HOXB3: variants seen among roughly 807,000 people sequenced by gnomAD.
The protein encoded by HOXB3 is homeobox B3, also known as homeobox protein Hox-B3.
HOXB3 carries 17 observed loss-of-function variants against 29.2 expected under a neutral mutation model. The observed-to-expected ratio is 0.58, with a 90% CI of 0.40 to 0.87. The LOEUF (loss-of-function observed/expected upper bound fraction) is 0.87. Among genes scored for constraint, HOXB3 ranks in the 40% least tolerant of loss-of-function variants. HOXB3 has a pLI of 0.00. For synonymous variants in HOXB3, 317 were observed against 285.9 expected (o/e 1.11, Z -1.10); for missense variants, 637 against 616.3 (o/e 1.03, Z -0.35).
chr17:48,579,878 C>T (rs768238280), intron 1 of HOXB3: 1 of 520,764 alleles, frequency 1.9e-6, no homozygotes, highest in South Asian at 1.5e-5. Flanking sequence ...CCCCTAGATA[C>T]GAATTTGTGA....
At position 48,551,075 on chromosome 17, in the gene HOXB3, C is replaced by A; in HGVS notation, c.555G>T (p.Ser185=). 6.5e-7 allele frequency: 1 copy of A among 1,534,292 alleles called. No individual in the cohort carries two copies. The highest frequency in any genetic ancestry group is 8.8e-7 in the Non-Finnish European group (1 of 1,135,972). The change falls in exon 5 of 5, where the codon TCG becomes TCT. Residue 185 remains serine (S), a synonymous_variant. Coordinates refer to ENST00000498678, the MANE Select transcript of HOXB3 (RefSeq NM_001384749.1). ...CCGTCCGCGCCCGCTTGGACGCCGC[C>A]GACCCCGGGGGGCTCTTGTCCCCTC... ...GGGGDKSPPG[S]AASKRARTAY...
At chr17:48,565,970 A>G (rs183334602) in intron 2 of HOXB3, among the ~76,000 whole-genome samples, 454 of 152,190 alleles carry the variant, frequency 3.0e-3, no homozygotes, top group Non-Finnish European at 5.2e-3. Context: ...TTTCTATCCA[A>G]TTCCTCTGGT....
At chr17:48,563,943 T>C (rs2069290322) in intron 2 of HOXB3, among the ~76,000 whole-genome samples, 1 of 144,062 alleles carries the variant, frequency 6.9e-6, no homozygotes, top group Non-Finnish European at 1.5e-5. Flanking sequence ...CTCAACGCCC[T>C]TTCTGAGCGG....
intron 1 of HOXB3, chr17:48,578,228 C>T (rs763519352): frequency 1.2e-6 from 2 of 1,614,034 alleles, no homozygotes; most frequent in Non-Finnish European, 1.7e-6. Flanking sequence ...CGAGTGGTCG[C>T]TGGGTAGGTA....
rs1317169906 is a variant in HOXB3, at chr17:48,551,135, A to G, written c.495T>C (p.Ser165=). ...GGGGGGGGGG[S]GGSGGGGGGG... is the part of the protein sequence containing the mutation. ...CGCCGCCACCGCCCCCGCTGCCACC[A>G]CTGCCTCCGCCGCCGCCGCCACCGC... Residue 165 remains serine, a synonymous_variant, in exon 5 of 5, where the codon AGT becomes AGC. Transcript: ENST00000498678. The G allele has an allele frequency of 1.5e-6, 2 of 1,313,886 alleles. No homozygotes were observed. Among genetic ancestry groups the G allele is most frequent in the Non-Finnish European group, 1.9e-6 (2 of 1,033,252 alleles). 81.4% of individuals were successfully genotyped at this position (1,313,886 alleles called of 1,614,324 possible).
chr17:48,586,662 G>GT (rs574411684), intron 1 of HOXB3, among the ~76,000 whole-genome samples: 2 of 152,138 alleles, frequency 1.3e-5, no homozygotes, highest in African/African-American at 2.4e-5. Flanking sequence ...TTTGGTGTGG[G>GT]TTTTTTCCCC....
At chr17:48,585,215 G>C (rs913365803) in intron 1 of HOXB3, among the ~76,000 whole-genome samples, 1 of 152,082 alleles carries the variant, frequency 6.6e-6, no homozygotes, top group African/African-American at 2.4e-5. Flanking sequence ...CATTTTCAGC[G>C]GTCTCTTCTA....
At chr17:48,558,007 C>G (rs1166762468) in intron 2 of HOXB3, among the ~76,000 whole-genome samples, 1 of 151,928 alleles carries the variant, frequency 6.6e-6, no homozygotes, top group Non-Finnish European at 1.5e-5. Flanking sequence ...CTTAAAGAAA[C>G]CAGTACCTTT....
At position 48,550,456 on chromosome 17, in the gene HOXB3, T is replaced by A. The variant is rs1285054026; in HGVS notation, c.1174A>T (p.Met392Leu). 1.2e-6 allele frequency: 2 copies of A among 1,612,914 alleles called. No homozygotes were observed. ...GNLDYNGAPP[M>L]APSQHHGPCE... ...GGTCCGTGGTGCTGGCTGGGCGCCATAGGGGGCGCCCCGTTGTAGTCCAGG... is the reference window on the plus strand; with the variant it reads ...GGTCCGTGGTGCTGGCTGGGCGCCAAAGGGGGCGCCCCGTTGTAGTCCAGG... Residue 392 changes from methionine to leucine, a missense_variant, in exon 5 of 5, where the codon ATG (methionine) becomes TTG (leucine). Transcript: ENST00000498678.
chr17:48,575,843 T>C (rs2069739719), intron 1 of HOXB3: 1 of 152,626 alleles, frequency 6.6e-6, no homozygotes, highest in African/African-American at 2.4e-5. Context: ...AACTCTGGAC[T>C]GGCAGAGTAG....
chr17:48,574,061 A>T, intron 1 of HOXB3, 47 bp from the exon 2 acceptor site: 1 of 585,374 alleles, frequency 1.7e-6, no homozygotes, highest in Non-Finnish European at 3.0e-6. Context: ...TAAAGAAAAG[A>T]AGTGATTAAT....
rs754130421 is a variant in HOXB3, at chr17:48,551,108, G to A, written c.522C>T (p.Gly174=). 22 of 1,367,996 alleles carry A rather than the reference G, an allele frequency of 1.6e-5. No individual in the cohort carries two copies. Among genetic ancestry groups the A allele is most frequent in the Admixed American group, 3.0e-5 (1 of 33,816 alleles). 84.7% of individuals were successfully genotyped at this position (1,367,996 alleles called of 1,614,324 possible). The change falls in exon 5 of 5, where the codon GGC becomes GGT. Residue 174 remains glycine (G), a synonymous_variant. Transcript: ENST00000498678. ...GGGGGCTCTTGTCCCCTCCCCCGCC[G>A]CCGCCGCCACCGCCCCCGCTGCCAC... ...GSGGSGGGGG[G]GGGGDKSPPG... is the part of the protein sequence containing the mutation.
Position 48,551,039 on chromosome 17 carries a change from GCT to G in HOXB3, c.589_590del (p.Ser197ArgfsTer13). 6.2e-7 allele frequency: 1 copy of G among 1,607,714 alleles called. No homozygotes were observed. The highest frequency in any genetic ancestry group is 8.5e-7 in the Non-Finnish European group (1 of 1,175,830). On this transcript the variant is annotated frameshift_variant, in exon 5 of 5. Coordinates refer to ENST00000498678, the MANE Select transcript of HOXB3 (RefSeq NM_001384749.1). LOFTEE classifies it high-confidence loss of function. ...ASKRARTAYT[S>X]AQLVELEKEF... ...CCTTCTCCAGCTCCACCAGCTGCGC[GCT>G]CGTGTACGCCGTCCGCGCCCGCTTG...
intron 1 of HOXB3, among the ~76,000 whole-genome samples, chr17:48,584,653 G>A (rs1045043631): frequency 6.6e-6 from 1 of 152,150 alleles, no homozygotes; most frequent in Non-Finnish European, 1.5e-5. Flanking sequence ...TTAATATGGT[G>A]ACTCAAAGAT....
chr17:48,573,894 G>C lies in HOXB3; in HGVS notation c.-304C>G, dbSNP rs942664639. 2 of 701,808 alleles carry C rather than the reference G, an allele frequency of 2.8e-6. No homozygotes were observed. Among genetic ancestry groups the C allele is most frequent in the Non-Finnish European group, 5.2e-6 (2 of 384,710 alleles). The allele number at this position is 701,808 out of a possible 1,614,324, so 43.5% of individuals were successfully genotyped here. Reference sequence around the variant, plus strand: ...CTGCAGATCCCATTCATGACGAAGGGCTTCTTCCAAACTGAGAGAAAAAAG... The same window carrying C: ...CTGCAGATCCCATTCATGACGAAGGCCTTCTTCCAAACTGAGAGAAAAAAG... On this transcript the variant is annotated 5_prime_UTR_variant, in exon 2 of 5. Transcript: ENST00000498678.
chr17:48,568,396 G>A (rs567043589), intron 2 of HOXB3, among the ~76,000 whole-genome samples: 3 of 152,314 alleles, frequency 2.0e-5, no homozygotes, highest in South Asian at 2.1e-4. Context: ...CACAGATGCT[G>A]TAATTTAAGA....
At chr17:48,558,791 CAGG>C (rs1289822337) in intron 2 of HOXB3, among the ~76,000 whole-genome samples, 1 of 152,038 alleles carries the variant, frequency 6.6e-6, no homozygotes, top group East Asian at 1.9e-4. Flanking sequence ...AAAAGAGAAG[CAGG>C]AGAAGGGCTT....
intron 2 of HOXB3, among the ~76,000 whole-genome samples, chr17:48,573,290 G>GA (rs983111675): frequency 5.3e-5 from 8 of 151,902 alleles, no homozygotes; most frequent in Non-Finnish European, 7.4e-5. Flanking sequence ...GACACAAGAA[G>GA]AAAAAAAAGA....
rs572191849 is a variant in HOXB3 at position 48,587,285 on chromosome 17, C to G, written c.-425+2840G>C. On this transcript the variant is annotated intron_variant, in intron 1 of 4. Coordinates refer to ENST00000498678, the MANE Select transcript of HOXB3 (RefSeq NM_001384749.1). ...GTTAATTAATATGGATGTGTAACAGCGCTGCAGCAATCAATAAGTCTCACT... is the reference window on the plus strand; with the variant it reads ...GTTAATTAATATGGATGTGTAACAGGGCTGCAGCAATCAATAAGTCTCACT... Among the ~76,000 whole-genome samples, 12 of 152,236 alleles carry G rather than the reference C, an allele frequency of 7.9e-5. No individual in the cohort carries two copies. In the South Asian group the frequency reaches 2.3e-3, roughly 29 times the overall value.
Sources: allele counts gnomAD v4.1 joint callset (sites outside exome capture counted in the v4.1 genomes callset), GRCh38; gene constraint gnomAD v4.1.1; transcripts MANE v1.5; gene names NCBI Gene and HGNC (gene_info 2026-07-23, HGNC 2026-07-21).